CARMIL1: variants seen among roughly 807,000 people sequenced by gnomAD.
The protein encoded by CARMIL1 is F-actin-uncapping protein LRRC16A.
In CARMIL1, 90 loss-of-function variants were observed where a neutral mutation model predicts 177.1. The observed-to-expected ratio is 0.51, with a 90% CI of 0.43 to 0.61. The LOEUF is 0.61. Among genes scored for constraint, CARMIL1 ranks in the 20% least tolerant of loss-of-function variants. CARMIL1 has a pLI of 0.00. For synonymous variants in CARMIL1, 577 were observed against 606.2 expected (o/e 0.95, Z 0.71); for missense variants, 1,380 against 1,667.0 (o/e 0.83, Z 3.00).
intron 2 of CARMIL1, among the ~76,000 whole-genome samples, chr6:25,360,966 T>C (rs997406403): frequency 3.3e-5 from 5 of 152,174 alleles, no homozygotes; most frequent in Admixed American, 6.5e-5. Context: ...ACCCATTTTG[T>C]TTTCAAACAT....
rs12210086 is a variant in CARMIL1, at chr6:25,448,002, T to A, written c.372-1896T>A. 8.2e-3 allele frequency among the ~76,000 whole-genome samples: 1,254 copies of A among 152,204 alleles called. 3 individuals are homozygous for A. The highest frequency in any genetic ancestry group is 0.015 in the Non-Finnish European group (998 of 68,012). ...CAGCTGCCCACCTCTCCATATACAT[T>A]TTGGCTGCTGAGGGCTGCAGGAGGA... On this transcript the variant is annotated intron_variant, in intron 5 of 36. Transcript: ENST00000329474.
At chr6:25,358,066 T>A (rs547707748) in intron 2 of CARMIL1, among the ~76,000 whole-genome samples, 10 of 152,358 alleles carry the variant, frequency 6.6e-5, no homozygotes, top group Admixed American at 6.5e-4. Context: ...ACACGCATTT[T>A]AAAATAACTT....
rs551915503 is a variant in CARMIL1 at position 25,356,317 on chromosome 6, A to G, written c.139-63797A>G. ...CATGATCCACCCGCCTCGGCCTCCC[A>G]AAGTGCTGGGATTACAGGCGTGAGC... On this transcript the variant is annotated intron_variant, in intron 2 of 36. Coordinates refer to ENST00000329474, the MANE Select transcript of CARMIL1 (RefSeq NM_017640.6). Among the ~76,000 whole-genome samples, 596 of 152,106 alleles carry G rather than the reference A, an allele frequency of 3.9e-3. 4 individuals are homozygous for G. Among genetic ancestry groups the G allele is most frequent in the Middle Eastern group, 0.014 (4 of 294 alleles).
At chr6:25,459,274 T>TTCTTTCTTTCTTTCTTCCTTTC (rs1302680954) in intron 8 of CARMIL1, among the ~76,000 whole-genome samples, 1 of 30,980 alleles carries the variant, frequency 3.2e-5, no homozygotes, top group Non-Finnish European at 7.6e-5. Flanking sequence ...TTCTTTTTTT[T>TTCTTTCTTTCTTTCTTCCTTTC]TTTTTTAAGA....
chr6:25,439,530 A>G (rs1383212928), intron 5 of CARMIL1, among the ~76,000 whole-genome samples: 1 of 152,120 alleles, frequency 6.6e-6, no homozygotes, highest in Non-Finnish European at 1.5e-5. Flanking sequence ...GGTAGGAGGA[A>G]AACCAGTGAA....
intron 11 of CARMIL1, among the ~76,000 whole-genome samples, chr6:25,478,659 G>A (rs1801806339): frequency 6.6e-6 from 1 of 152,052 alleles, no homozygotes; most frequent in African/African-American, 2.4e-5. Context: ...AGCCGAGCGT[G>A]GTGGCACGTG....
intron 2 of CARMIL1, among the ~76,000 whole-genome samples, chr6:25,314,934 T>C (rs1784154161): frequency 6.6e-6 from 1 of 152,178 alleles, no homozygotes; most frequent in Non-Finnish European, 1.5e-5. Context: ...GTTATTATAG[T>C]AGGAATGGAA....
At chr6:25,576,935 C>T (rs1450854431) in intron 29 of CARMIL1, 4 of 956,914 alleles carry the variant, frequency 4.2e-6, no homozygotes, top group Non-Finnish European at 5.0e-6. Context: ...CTTTATCTCT[C>T]TTCCATTCAT....
At chr6:25,606,609 C>T (rs1815997126) in intron 35 of CARMIL1, among the ~76,000 whole-genome samples, 1 of 152,150 alleles carries the variant, frequency 6.6e-6, no homozygotes, top group African/African-American at 2.4e-5. Flanking sequence ...TAATATCTGT[C>T]TCCAGGGCGT....
intron 29 of CARMIL1, among the ~76,000 whole-genome samples, chr6:25,569,649 C>T (rs1811885539): frequency 6.6e-6 from 1 of 152,140 alleles, no homozygotes; most frequent in Non-Finnish European, 1.5e-5. Flanking sequence ...TTTTTGTCAT[C>T]ATTATAAAGC....
At chr6:25,397,122 T>C (rs922772233) in intron 2 of CARMIL1, among the ~76,000 whole-genome samples, 4 of 152,096 alleles carry the variant, frequency 2.6e-5, no homozygotes, top group African/African-American at 9.7e-5. Context: ...GGGCTAAAAC[T>C]CCAGAAAAGG....
intron 3 of CARMIL1, among the ~76,000 whole-genome samples, chr6:25,422,905 G>T (rs1005458537): frequency 2.0e-5 from 3 of 152,154 alleles, no homozygotes; most frequent in Non-Finnish European, 4.4e-5. Context: ...GCTCCGTCCT[G>T]TGATGTATAT....
Position 25,581,002 on chromosome 6 carries a change from G to T in CARMIL1, c.2809+12G>T, listed in dbSNP as rs1230131097. 5.7e-6 allele frequency: 9 copies of T among 1,585,908 alleles called. No homozygotes were observed. The highest frequency in any genetic ancestry group is 7.7e-6 in the Non-Finnish European group (9 of 1,164,888). On this transcript the variant is annotated intron_variant, in intron 30 of 36. Transcript: ENST00000329474. ...TTCTAGGGCTTTTGGTAAGTGTTTT[G>T]CTGCTGCCAATCATTTCCTTGGAAC...
Position 25,554,312 on chromosome 6 carries a change from G to C in CARMIL1, c.2592+216G>C. On this transcript the variant is annotated intron_variant, in intron 28 of 36. Coordinates refer to ENST00000329474, the MANE Select transcript of CARMIL1 (RefSeq NM_017640.6). This position sits in a 1 kb window ranked among gnomAD's most constrained non-coding sequence, Gnocchi z 4.6. ...CCAGAGGGAATGATAAGGGAAAGCA[G>C]AACTGATTGTATCCAGAAATCTTAT... Among the ~76,000 whole-genome samples, 1 of 152,200 alleles carries C rather than the reference G, an allele frequency of 6.6e-6. No individual in the cohort carries two copies.
intron 17 of CARMIL1, among the ~76,000 whole-genome samples, chr6:25,506,991 G>A (rs1388450464): frequency 6.6e-6 from 1 of 152,054 alleles, no homozygotes; most frequent in African/African-American, 2.4e-5. Flanking sequence ...TTGAATGAGA[G>A]GATACTACTC....
At chr6:25,353,767 A>G (rs1788323797) in intron 2 of CARMIL1, among the ~76,000 whole-genome samples, 1 of 152,250 alleles carries the variant, frequency 6.6e-6, no homozygotes, top group Non-Finnish European at 1.5e-5. Context: ...AGAAAAATTT[A>G]TGAACTAGAC....
chr6:25,517,782 C>A (rs1030921361), intron 22 of CARMIL1, among the ~76,000 whole-genome samples: 1 of 152,112 alleles, frequency 6.6e-6, no homozygotes, highest in Non-Finnish European at 1.5e-5. Context: ...ATTGTGACAC[C>A]TTTGAATTCA....
In CARMIL1 at chr6:25,490,639, G is replaced by A. The variant is rs184847772; in HGVS notation, c.1066-1093G>A. Among the ~76,000 whole-genome samples, 80 of 151,718 alleles carry A rather than the reference G, an allele frequency of 5.3e-4. 1 individual carries two copies. Among genetic ancestry groups the A allele is most frequent in the Middle Eastern group, 3.4e-3 (1 of 294 alleles). ...CTTGATGCCGGGAAGTGGAGGTGGCGGTGAGCCGAGATCATACCACTGCAC... is the reference window on the plus strand; with the variant it reads ...CTTGATGCCGGGAAGTGGAGGTGGCAGTGAGCCGAGATCATACCACTGCAC... On this transcript the variant is annotated intron_variant, in intron 13 of 36. Transcript: ENST00000329474.
chr6:25,479,050 C>A, intron 11 of CARMIL1: 1 of 510,622 alleles, frequency 2.0e-6, no homozygotes, highest in South Asian at 1.4e-5. Flanking sequence ...GCTCTGACAT[C>A]CACAATGTTC....
Sources: allele counts gnomAD v4.1 joint callset (sites outside exome capture counted in the v4.1 genomes callset), GRCh38; gene constraint gnomAD v4.1.1; non-coding constraint Gnocchi (gnomAD v3.1); transcripts MANE v1.5; gene names NCBI Gene and HGNC (gene_info 2026-07-23, HGNC 2026-07-21).